SLAIN2: variants seen among roughly 807,000 people sequenced by gnomAD.
SLAIN2 encodes the protein SLAIN family member 2.
A neutral mutation model predicts 56.6 loss-of-function variants in SLAIN2; 31 were observed. The observed-to-expected ratio is 0.55, with a 90% CI of 0.41 to 0.74. The LOEUF (loss-of-function observed/expected upper bound fraction) is 0.74. Among genes scored for constraint, SLAIN2 ranks in the 30% least tolerant of loss-of-function variants. The pLI, the probability that SLAIN2 is intolerant of heterozygous loss-of-function variation, is 0.00. For missense variants in SLAIN2, 777 were observed against 754.2 expected (o/e 1.03, Z -0.35); for synonymous variants, 317 against 284.9 (o/e 1.11, Z -1.13).
At position 48,379,756 on chromosome 4, in the gene SLAIN2, G is replaced by A. The variant is rs1212289193; in HGVS notation, c.770G>A (p.Ser257Asn). The change falls in exon 4 of 8, where the codon AGT (serine) becomes AAT (asparagine). Residue 257 changes from serine (S) to asparagine (N), a missense_variant. Ser to Asn is a conservative substitution (Grantham distance 46). Transcript: ENST00000264313. ...SPQSSIDSELSASELDEDSIG... is the reference protein window; with the variant it reads ...SPQSSIDSELNASELDEDSIG... ...CAGTCCTCTATAGATAGTGAGTTAA[G>A]TGCTTCAGAATTAGATGAAGATTCA... 3 of 1,595,356 alleles carry A rather than the reference G, an allele frequency of 1.9e-6. No individual in the cohort carries two copies. The highest frequency in any genetic ancestry group is 1.7e-6 in the Non-Finnish European group (2 of 1,171,960).
At chr4:48,385,080 C>G (rs1397688546) in intron 6 of SLAIN2, among the ~76,000 whole-genome samples, 1 of 151,938 alleles carries the variant, frequency 6.6e-6, no homozygotes, top group Admixed American at 6.6e-5. Flanking sequence ...GCAGCATAGA[C>G]GAAGATCAGA....
Position 48,413,558 on chromosome 4 carries a change from A to T in SLAIN2, c.1361-6567A>T, listed in dbSNP as rs143736982. Among the ~76,000 whole-genome samples, 1,442 of 152,292 alleles carry T rather than the reference A, an allele frequency of 9.5e-3. 15 individuals carry two copies. The highest frequency in any genetic ancestry group is 0.013 in the Non-Finnish European group (907 of 68,032). On this transcript the variant is annotated intron_variant, in intron 6 of 7. Transcript: ENST00000264313. ...TGTCAGTAAATTGTGATTATCATTGATAGGGTAGATACCATTGAATAATTG... is the reference window on the plus strand; with the variant it reads ...TGTCAGTAAATTGTGATTATCATTGTTAGGGTAGATACCATTGAATAATTG...
At chr4:48,376,378 C>G (rs1200635412) in intron 2 of SLAIN2, among the ~76,000 whole-genome samples, 1 of 149,884 alleles carries the variant, frequency 6.7e-6, no homozygotes, top group Non-Finnish European at 1.5e-5. Context: ...TCGTTTGAGC[C>G]CAAGAGGCAG....
chr4:48,394,467 T>G (rs1716325776), intron 6 of SLAIN2: 2 of 807,596 alleles, frequency 2.5e-6, no homozygotes, highest in South Asian at 3.6e-5. Context: ...TTATGGCTTC[T>G]GTTCTTTGAT....
At chr4:48,395,525 A>G (rs939617319) in intron 6 of SLAIN2, among the ~76,000 whole-genome samples, 6 of 152,120 alleles carry the variant, frequency 3.9e-5, no homozygotes, top group Admixed American at 6.6e-5. Context: ...TATTACTGCA[A>G]ATGTTTTTGC....
intron 6 of SLAIN2, among the ~76,000 whole-genome samples, chr4:48,393,386 T>TG (rs1716283267): frequency 7.4e-6 from 1 of 135,348 alleles, no homozygotes; most frequent in South Asian, 2.6e-4. Flanking sequence ...CATGTCTGGC[T>TG]TGTGTGTGTG....
intron 6 of SLAIN2, among the ~76,000 whole-genome samples, chr4:48,410,540 C>A (rs1249191657): frequency 1.3e-5 from 2 of 152,046 alleles, no homozygotes; most frequent in Non-Finnish European, 2.9e-5. Flanking sequence ...TCTGCTCTAC[C>A]CCACCTGCTC....
chr4:48,394,479 C>A (rs4694894), intron 6 of SLAIN2: 662,513 of 917,018 alleles, frequency 0.72, 242,423 homozygotes, highest in African/African-American at 0.92. Context: ...TTCTTTGATA[C>A]ATTTTTAAGT....
chr4:48,373,843 C>A lies in SLAIN2; in HGVS notation c.538+3846C>A, dbSNP rs527453840. ...ATCACCTGAGGTTGGGAGTTCGAGACCAGCCTGACCAACATGGAGAAACCC... is the reference window on the plus strand; with the variant it reads ...ATCACCTGAGGTTGGGAGTTCGAGAACAGCCTGACCAACATGGAGAAACCC... On this transcript the variant is annotated intron_variant, in intron 2 of 7. Coordinates refer to ENST00000264313, the MANE Select transcript of SLAIN2 (RefSeq NM_020846.2). Among the ~76,000 whole-genome samples, 27 of 152,204 alleles carry A rather than the reference C, an allele frequency of 1.8e-4. No homozygotes were observed. The East Asian group carries it at 3.3e-3, about 19-fold the overall frequency.
At chr4:48,390,426 ATT>A (rs1716209727) in intron 6 of SLAIN2, among the ~76,000 whole-genome samples, 1 of 152,320 alleles carries the variant, frequency 6.6e-6, no homozygotes, top group South Asian at 2.1e-4. Flanking sequence ...CCTAGCAGTA[ATT>A]AATCTTCACT....
intron 7 of SLAIN2, among the ~76,000 whole-genome samples, chr4:48,420,663 C>T (rs1174446363): frequency 6.6e-6 from 1 of 152,020 alleles, no homozygotes; most frequent in African/African-American, 2.4e-5. Context: ...GTCCAGTTGC[C>T]TAACGTGATT....
chr4:48,361,854 T>C (rs1715335561), intron 1 of SLAIN2, among the ~76,000 whole-genome samples: 1 of 152,232 alleles, frequency 6.6e-6, no homozygotes, highest in Non-Finnish European at 1.5e-5. Flanking sequence ...AGCAGTGTTT[T>C]GTAGTTTGCA....
chr4:48,366,786 A>G (rs1715533612), intron 1 of SLAIN2, among the ~76,000 whole-genome samples: 1 of 152,088 alleles, frequency 6.6e-6, no homozygotes, highest in African/African-American at 2.4e-5. Context: ...TCCATGACTT[A>G]ATTTTAGTAG....
intron 2 of SLAIN2, among the ~76,000 whole-genome samples, chr4:48,377,105 C>T (rs977082860): frequency 2.0e-5 from 3 of 151,394 alleles, no homozygotes; most frequent in African/African-American, 7.3e-5. Flanking sequence ...CTTTAGGAGG[C>T]CAAGATAGGA....
At chr4:48,398,958 G>C (rs761757079) in intron 6 of SLAIN2, among the ~76,000 whole-genome samples, 8 of 152,134 alleles carry the variant, frequency 5.3e-5, no homozygotes, top group Non-Finnish European at 1.2e-4. Context: ...TTTTTGCTTA[G>C]GATTGTCTTG....
Position 48,423,213 on chromosome 4 carries a change from C to T in SLAIN2, c.*1136C>T. On this transcript the variant is annotated 3_prime_UTR_variant, in exon 8 of 8. Coordinates refer to ENST00000264313, the MANE Select transcript of SLAIN2 (RefSeq NM_020846.2). ...TAAACTGAGTAACTGTATAAAACAT[C>T]TATTGAAAATTCTTTTCCTTTTGAC... The T allele has an allele frequency of 6.6e-6, 1 of 152,042 alleles. No homozygotes were observed. Among genetic ancestry groups the T allele is most frequent in the Non-Finnish European group, 1.5e-5 (1 of 68,006 alleles). The allele number at this position is 152,042 out of a possible 1,614,324, so 9.4% of individuals were successfully genotyped here.
intron 6 of SLAIN2, among the ~76,000 whole-genome samples, chr4:48,391,462 T>A (rs1404068013): frequency 1.3e-5 from 2 of 152,224 alleles, no homozygotes; most frequent in Non-Finnish European, 2.9e-5. Flanking sequence ...ACCAACTATT[T>A]TTCAGGGAGG....
chr4:48,362,509 C>A (rs1173051882), intron 1 of SLAIN2, among the ~76,000 whole-genome samples: 1 of 110,998 alleles, frequency 9.0e-6, no homozygotes, highest in African/African-American at 2.7e-5. Context: ...ACCTCTGACT[C>A]CTAGGTTCAA....
chr4:48,386,672 T>G (rs1321654612), intron 6 of SLAIN2, among the ~76,000 whole-genome samples: 1 of 152,194 alleles, frequency 6.6e-6, no homozygotes, highest in African/African-American at 2.4e-5. Flanking sequence ...AGAGTGCCAT[T>G]ATAATACTCA....
Sources: gnomAD v4.1 joint callset for allele counts (sites outside exome capture counted in the v4.1 genomes callset) on GRCh38, gnomAD v4.1.1 for gene constraint, MANE v1.5 for transcripts, NCBI Gene and HGNC (gene_info 2026-07-23, HGNC 2026-07-21) for gene names.